The following CEP43 variants were observed in gnomAD, a reference collection of about 807,000 sequenced individuals.
CEP43 encodes the protein FGFR1 oncogene partner.
CEP43 carries 36 observed loss-of-function variants against 52.6 expected under a neutral mutation model. The observed-to-expected ratio is 0.68, with a 90% CI of 0.52 to 0.90. CEP43 has a LOEUF of 0.90. Ranked by LOEUF, CEP43 falls within the 40% of genes least tolerant of loss-of-function variation. The pLI, the probability that CEP43 is intolerant of heterozygous loss-of-function variation, is 0.00. For missense variants in CEP43, 506 were observed against 472.8 expected, an observed-to-expected ratio of 1.07 and a Z score of -0.65; for synonymous variants, 192 against 172.4, an observed-to-expected ratio of 1.11 and a Z score of -0.89.
In CEP43 at chr6:167,052,019, T is replaced by A. The variant is rs2114866116; in HGVS notation, c.*12041T>A. The A allele has an allele frequency of 7.4e-6, 1 of 134,706 alleles. No individual in the cohort carries two copies. The highest frequency in any genetic ancestry group is 3.9e-3 in the Middle Eastern group (1 of 254). The allele number at this position is 134,706 out of a possible 1,614,324, so 8.3% of individuals were successfully genotyped here. A position where few individuals can be genotyped will look rare whatever the true frequency, so the allele number is the denominator to read the frequency against. On this transcript the variant is annotated 3_prime_UTR_variant, in exon 13 of 13. Coordinates refer to ENST00000366847, the MANE Select transcript of CEP43 (RefSeq NM_007045.4). The stretch of plus-strand genomic sequence containing the variant: ...GTGGCTTTGCTTCTTCTTCTTTGCT[T>A]TCTTTTGCATTAAGTATTTTCTAGT...
At chr6:167,038,641 A>T (rs1780630779) in intron 12 of CEP43, among the ~76,000 whole-genome samples, 2 of 152,202 alleles carry the variant, frequency 1.3e-5, no homozygotes, top group South Asian at 4.1e-4. Context: ...TTTTCACTTG[A>T]AATATTTGAG....
intron 9 of CEP43, among the ~76,000 whole-genome samples, chr6:167,025,695 C>G (rs987152479): frequency 1.3e-5 from 2 of 152,230 alleles, no homozygotes; most frequent in Non-Finnish European, 1.5e-5. Flanking sequence ...TGTTGCTTCT[C>G]TTAAACCAGC....
chr6:167,048,566 C>G lies in CEP43; in HGVS notation c.*8588C>G, dbSNP rs1341745524. 1 of 152,134 alleles carries G rather than the reference C, an allele frequency of 6.6e-6. No homozygotes were observed. Among genetic ancestry groups the G allele is most frequent in the East Asian group, 1.9e-4 (1 of 5,186 alleles). The allele number at this position is 152,134 out of a possible 1,614,324, so 9.4% of individuals were successfully genotyped here. A position where few individuals can be genotyped will look rare whatever the true frequency, so the allele number is the denominator to read the frequency against. On this transcript the variant is annotated 3_prime_UTR_variant, in exon 13 of 13. Transcript: ENST00000366847. ...AAAAAAAAGAACTAATTGTAACAAA[C>G]TATCTTTCAAATTATATCAAAACAG... is the stretch of plus-strand genomic sequence containing the variant.
chr6:167,014,700 T>TTCTTTATGCGTTATTAAACAAGA (rs1310611170), intron 7 of CEP43, among the ~76,000 whole-genome samples: 10 of 152,314 alleles, frequency 6.6e-5, no homozygotes, highest in African/African-American at 2.4e-4. Context: ...GTTCACACTG[T>TTCTTTATGCGTTATTAAACAAGA]TCTTTATGCG....
chr6:167,027,987 C>T (rs1382286675), intron 10 of CEP43: 1 of 985,902 alleles, frequency 1.0e-6, no homozygotes, highest in Non-Finnish European at 1.2e-6. Flanking sequence ...GCTGGCTGGC[C>T]AGCTAGGTGG....
intron 7 of CEP43, among the ~76,000 whole-genome samples, chr6:167,018,174 C>A (rs529191475): frequency 3.3e-5 from 5 of 152,230 alleles, no homozygotes; most frequent in African/African-American, 1.2e-4. Context: ...AGCAAGGATA[C>A]CACTCATTAG....
intron 5 of CEP43, among the ~76,000 whole-genome samples, chr6:167,009,495 G>A: frequency 2.9e-5 from 2 of 68,230 alleles, no homozygotes; most frequent in African/African-American, 7.0e-5. Flanking sequence ...GCGAGACTCT[G>A]TCTCAAAAAA....
intron 7 of CEP43, among the ~76,000 whole-genome samples, chr6:167,018,320 A>G (rs1384068557): frequency 6.6e-6 from 1 of 152,122 alleles, no homozygotes; most frequent in Non-Finnish European, 1.5e-5. Flanking sequence ...CATTTGTGGG[A>G]TACAGTTTGA....
At chr6:167,010,410 ATTTT>A (rs989591223) in intron 5 of CEP43, among the ~76,000 whole-genome samples, 9 of 152,174 alleles carry the variant, frequency 5.9e-5, no homozygotes, top group Admixed American at 5.9e-4. Flanking sequence ...GTTATTTGGT[ATTTT>A]TTCTTGAGAT....
At chr6:167,034,802 A>G (rs1220384034) in intron 12 of CEP43, among the ~76,000 whole-genome samples, 2 of 152,184 alleles carry the variant, frequency 1.3e-5, no homozygotes, top group South Asian at 2.1e-4. Context: ...TACTTGTAAG[A>G]TGGAAGTATT....
At chr6:167,029,024 A>T (rs1211503127) in intron 10 of CEP43, among the ~76,000 whole-genome samples, 1 of 152,228 alleles carries the variant, frequency 6.6e-6, no homozygotes, top group African/African-American at 2.4e-5. Flanking sequence ...TCTATATTTT[A>T]GGGTTTGTGG....
chr6:167,004,543 G>C (rs1779808958), intron 5 of CEP43, 142 bp downstream of exon 5: 1 of 598,274 alleles, frequency 1.7e-6, no homozygotes, highest in Admixed American at 3.8e-5. Context: ...CATTCAGATT[G>C]TATCAATGCA....
chr6:167,027,079 A>G (rs77013080), intron 10 of CEP43, among the ~76,000 whole-genome samples: 3,668 of 152,300 alleles, frequency 0.024, 59 homozygotes, highest in Non-Finnish European at 0.037. Context: ...AGGCAGAGCC[A>G]TTTGCTAGAT....
chr6:167,024,211 A>G (rs1031449505), intron 8 of CEP43, among the ~76,000 whole-genome samples: 3 of 152,188 alleles, frequency 2.0e-5, no homozygotes, highest in African/African-American at 4.8e-5. Flanking sequence ...ACCTGAGTTC[A>G]TAGTTGAGTG....
At chr6:167,003,304 C>T (rs1478459772) in intron 3 of CEP43, 57 bp downstream of exon 3, 1 of 945,084 alleles carries the variant, frequency 1.1e-6, no homozygotes, top group Non-Finnish European at 1.6e-6. Flanking sequence ...ATCTTGATAC[C>T]ATTTGGGAGA....
intron 12 of CEP43, among the ~76,000 whole-genome samples, chr6:167,035,846 C>A (rs1199886809): frequency 6.6e-6 from 1 of 152,134 alleles, no homozygotes; most frequent in Non-Finnish European, 1.5e-5. Flanking sequence ...GGATTACAGG[C>A]GTGAGCCACC....
rs184430135 is a variant in CEP43 at position 167,043,263 on chromosome 6, G to A, written c.*3285G>A. The A allele has an allele frequency of 6.6e-6, 1 of 152,660 alleles. No individual in the cohort carries two copies. The highest frequency in any genetic ancestry group is 1.5e-5 in the Non-Finnish European group (1 of 68,368). 9.5% of individuals were successfully genotyped at this position (152,660 alleles called of 1,614,324 possible). On this transcript the variant is annotated 3_prime_UTR_variant, in exon 13 of 13. Coordinates refer to ENST00000366847, the MANE Select transcript of CEP43 (RefSeq NM_007045.4). ...AGAAAAACACACCCAGCCCAAGTTGGAGCCCTCCTGTGGCATTGGGTGGGG... is the reference window on the plus strand; with the variant it reads ...AGAAAAACACACCCAGCCCAAGTTGAAGCCCTCCTGTGGCATTGGGTGGGG...
chr6:167,014,105 G>A (rs1780042044), intron 7 of CEP43, among the ~76,000 whole-genome samples: 2 of 152,124 alleles, frequency 1.3e-5, no homozygotes, highest in South Asian at 4.1e-4. Context: ...TGTTGTGTTG[G>A]CAATTAGAGT....
chr6:167,037,999 TCAG>T (rs1370867196), intron 12 of CEP43, among the ~76,000 whole-genome samples: 1 of 152,216 alleles, frequency 6.6e-6, no homozygotes. Flanking sequence ...CTGTCCTTGT[TCAG>T]CTGTCAGTGG....
Sources: gnomAD v4.1 joint callset for allele counts (sites outside exome capture counted in the v4.1 genomes callset) on GRCh38, gnomAD v4.1.1 for gene constraint, MANE v1.5 for transcripts, NCBI Gene and HGNC (gene_info 2026-07-23, HGNC 2026-07-21) for gene names.